Variants in C2orf78 observed in about 807,000 individuals in gnomAD.
C2orf78 encodes the protein chromosome 2 open reading frame 78, also known as uncharacterized protein C2orf78.
Under a neutral mutation model 21.4 loss-of-function variants are expected in C2orf78, and 12 were observed. The ratio of observed to expected loss-of-function variants is 0.56; its 90% CI spans 0.36 to 0.91. The LOEUF (loss-of-function observed/expected upper bound fraction) is 0.91. Ranked by LOEUF, C2orf78 falls within the 40% of genes least tolerant of loss-of-function variation. C2orf78 has a pLI of 0.01. For synonymous variants in C2orf78, 396 were observed against 413.9 expected (o/e 0.96, Z 0.52); for missense variants, 1,042 against 1,092.4 (o/e 0.95, Z 0.65).
intron 1 of C2orf78, among the ~76,000 whole-genome samples, chr2:73,784,895 G>A (rs1672896506): frequency 3.3e-5 from 5 of 151,074 alleles, no homozygotes; most frequent in Admixed American, 3.3e-4. Flanking sequence ...AGGCACGGTG[G>A]CTCACACCTG....
exon 3 of C2orf78, chr2:73,817,079 T>A: frequency 2.3e-6 from 3 of 1,331,810 alleles, no homozygotes; most frequent in Admixed American, 3.0e-5. Context: ...GATATATTTT[T>A]AAAACATAAT....
chr2:73,808,324 C>G (rs1381505199), intron 1 of C2orf78, among the ~76,000 whole-genome samples: 1 of 151,104 alleles, frequency 6.6e-6, no homozygotes, highest in Non-Finnish European at 1.5e-5. Context: ...AGTTTTAGAA[C>G]AACTGTAATT....
At chr2:73,814,316 T>C in intron 2 of C2orf78, 90 bp downstream of exon 2, 2 of 1,399,384 alleles carry the variant, frequency 1.4e-6, no homozygotes, top group Non-Finnish European at 1.9e-6. Context: ...CGTGGATAGG[T>C]AGAATTTAAG....
chr2:73,785,825 T>C (rs1248354901), intron 1 of C2orf78, among the ~76,000 whole-genome samples: 1 of 151,922 alleles, frequency 6.6e-6, no homozygotes, highest in African/African-American at 2.4e-5. Context: ...GGTGGGCTGA[T>C]CACCTGAGGT....
Position 73,807,179 on chromosome 2 carries a change from CAA to C in C2orf78, c.98-6284_98-6283del, listed in dbSNP as rs1279850153. On this transcript the variant is annotated intron_variant, in intron 1 of 2. Coordinates refer to ENST00000409561, the Ensembl canonical transcript of C2orf78. ...TGGGTGACAGAGAGAGACTCTGTCTCAAAAAAAAAAAAAAAGAATTGTCTATT... is the reference window on the plus strand; with the variant it reads ...TGGGTGACAGAGAGAGACTCTGTCTCAAAAAAAAAAAAAGAATTGTCTATT... Among the ~76,000 whole-genome samples the C allele has an allele frequency of 2.7e-3, 128 of 47,262 alleles. 9 individuals carry two copies. Among genetic ancestry groups the C allele is most frequent in the African/African-American group, 0.01 (101 of 9,794 alleles). The allele number at this position is 47,262 out of a possible 152,430, so 31.0% of individuals were successfully genotyped here.
chr2:73,784,929 A>T (rs1672897481), intron 1 of C2orf78, among the ~76,000 whole-genome samples: 1 of 151,150 alleles, frequency 6.6e-6, no homozygotes, highest in East Asian at 1.9e-4. Flanking sequence ...TTGGGAGGCC[A>T]TCTCCCTCAC....
At chr2:73,810,413 G>C (rs1384764288) in intron 1 of C2orf78, among the ~76,000 whole-genome samples, 1 of 151,402 alleles carries the variant, frequency 6.6e-6, no homozygotes, top group Non-Finnish European at 1.5e-5. Flanking sequence ...TGTAATCCCA[G>C]CTACTTGGGA....
At chr2:73,785,614 A>C (rs1272238309) in intron 1 of C2orf78, among the ~76,000 whole-genome samples, 2 of 152,082 alleles carry the variant, frequency 1.3e-5, no homozygotes, top group Non-Finnish European at 2.9e-5. Context: ...TGCTTAGATC[A>C]ATGGACGAGG....
intron 1 of C2orf78, chr2:73,808,664 T>G (rs1254061286): frequency 4.4e-5 from 55 of 1,240,108 alleles, no homozygotes; most frequent in Non-Finnish European, 5.9e-5. Context: ...TTAAACTGCC[T>G]GCTTTGTGAC....
rs1267155288 is a variant in C2orf78, at chr2:73,807,136, G to A, written c.98-6341G>A. 4.1e-4 allele frequency among the ~76,000 whole-genome samples: 56 copies of A among 137,592 alleles called. 5 individuals carry two copies. The highest frequency in any genetic ancestry group is 1.2e-4 in the Non-Finnish European group (8 of 64,580). The allele number at this position is 137,592 out of a possible 152,430, so 90.3% of individuals were successfully genotyped here. A position where few individuals can be genotyped will look rare whatever the true frequency, so the allele number is the denominator to read the frequency against. On this transcript the variant is annotated intron_variant, in intron 1 of 2. Coordinates refer to ENST00000409561, the Ensembl canonical transcript of C2orf78. ...GCAGAGCTTGAAGCTAGCAGAGATC[G>A]GCCACTGCCCTCCAGCCTGGGTGAC...
chr2:73,812,422 T>C (rs1673107981), intron 1 of C2orf78, among the ~76,000 whole-genome samples: 1 of 152,230 alleles, frequency 6.6e-6, no homozygotes, highest in Non-Finnish European at 1.5e-5. Context: ...TATTCATGTA[T>C]GAATTATCAC....
intron 2 of C2orf78, among the ~76,000 whole-genome samples, chr2:73,814,689 TGAGGAAGG>T (rs1315749841): frequency 1.1e-4 from 16 of 152,206 alleles, no homozygotes; most frequent in African/African-American, 3.9e-4. Flanking sequence ...ATATATTTCA[TGAGGAAGG>T]GCTCCACTCT....
chr2:73,810,027 A>G (rs1459702632), intron 1 of C2orf78, among the ~76,000 whole-genome samples: 3 of 152,212 alleles, frequency 2.0e-5, no homozygotes, highest in Admixed American at 6.5e-5. Flanking sequence ...AAAAAAAGCA[A>G]AAGGACAACA....
intron 1 of C2orf78, among the ~76,000 whole-genome samples, chr2:73,786,191 G>C (rs536375732): frequency 9.2e-5 from 14 of 151,962 alleles, no homozygotes; most frequent in Admixed American, 2.0e-4. Flanking sequence ...ACCAGCCTAG[G>C]CAACATGGTG....
intron 2 of C2orf78, 63 bp downstream of exon 2, chr2:73,814,289 G>A: frequency 6.7e-7 from 1 of 1,489,750 alleles, no homozygotes; most frequent in Non-Finnish European, 8.9e-7. Context: ...GGTCAAATCT[G>A]TAGCGAGTGG....
chr2:73,810,633 A>T (rs1371091947), intron 1 of C2orf78, among the ~76,000 whole-genome samples: 2 of 137,784 alleles, frequency 1.5e-5, no homozygotes, highest in Non-Finnish European at 3.1e-5. Context: ...CATAATATAT[A>T]TATGTATATT....
chr2:73,809,235 G>A (rs1378033141), intron 1 of C2orf78, among the ~76,000 whole-genome samples: 2 of 152,042 alleles, frequency 1.3e-5, no homozygotes, highest in Non-Finnish European at 2.9e-5. Flanking sequence ...CATTTCAACA[G>A]AAACAGAGAA....
At chr2:73,815,697 A>G (rs1673178573) in exon 3 of C2orf78, 1 of 1,613,914 alleles carries the variant, frequency 6.2e-7, no homozygotes. Context: ...GTCATGTGTC[A>G]TAAAGGGTCA....
chr2:73,785,922 T>G (rs1228249677), intron 1 of C2orf78, among the ~76,000 whole-genome samples: 1 of 151,812 alleles, frequency 6.6e-6, no homozygotes, highest in Non-Finnish European at 1.5e-5. Context: ...GGCACATGCG[T>G]GTAATCCCAG....
Sources: allele counts gnomAD v4.1 joint callset (sites outside exome capture counted in the v4.1 genomes callset), GRCh38; gene constraint gnomAD v4.1.1; transcripts MANE v1.5; gene names NCBI Gene and HGNC (gene_info 2026-07-23, HGNC 2026-07-21).